Variants in STX19 observed in about 807,000 individuals in gnomAD.
STX19 encodes syntaxin 19, also known as syntaxin-19.
STX19 carries 26 observed loss-of-function variants against 24.3 expected under a neutral mutation model. The observed-to-expected ratio is 1.07, with a 90% CI of 0.78 to 1.48. The LOEUF is 1.48. STX19 is among the 40% of genes most tolerant of loss of function. STX19 has a pLI of 0.00. For missense variants in STX19, 367 were observed against 331.9 expected, an observed-to-expected ratio of 1.11 and a Z score of -0.82; for synonymous variants, 116 against 106.9, an observed-to-expected ratio of 1.09 and a Z score of -0.52.
intron 1 of STX19, among the ~76,000 whole-genome samples, chr3:94,016,103 A>T (rs1480289939): frequency 6.6e-6 from 1 of 152,170 alleles, no homozygotes; most frequent in Non-Finnish European, 1.5e-5. Flanking sequence ...TACATAATTT[A>T]TATTTAATGA....
chr3:94,015,324 G>C, intron 1 of STX19, 42 bp from the exon 2 acceptor site: 2 of 1,452,842 alleles, frequency 1.4e-6, no homozygotes, highest in Non-Finnish European at 1.8e-6. Context: ...TAGAAATTTG[G>C]TATTTTTCCC....
intron 1 of STX19, among the ~76,000 whole-genome samples, chr3:94,021,199 T>A (rs1559991001): frequency 6.7e-6 from 1 of 148,886 alleles, no homozygotes; most frequent in Admixed American, 6.7e-5. Context: ...TATATATATA[T>A]AATTTTTTTT....
chr3:94,017,812 A>G (rs2076363467), intron 1 of STX19, among the ~76,000 whole-genome samples: 1 of 152,178 alleles, frequency 6.6e-6, no homozygotes, highest in Non-Finnish European at 1.5e-5. Flanking sequence ...TGGGTTGCCA[A>G]GGCAGTGAAT....
At position 94,014,809 on chromosome 3, in the gene STX19, G is replaced by A. The variant is rs771628759; in HGVS notation, c.461C>T (p.Thr154Ile). ...FQQIMFIYND[T>I]IAAKQEKCKT... is the part of the protein sequence containing the mutation. ...GCACTTCTCTTGCTTTGCTGCTATT[G>A]TGTCATTGTATATAAACATGATTTG... Residue 154 changes from threonine (T) to isoleucine (I), a missense_variant, in exon 2 of 2, where the codon ACA becomes ATA. Coordinates refer to ENST00000315099, the MANE Select transcript of STX19 (RefSeq NM_001001850.3). 6.2e-7 allele frequency: 1 copy of A among 1,614,044 alleles called. No individual in the cohort carries two copies. Among genetic ancestry groups the A allele is most frequent in the Admixed American group, 1.7e-5 (1 of 60,024 alleles).
intron 1 of STX19, among the ~76,000 whole-genome samples, chr3:94,020,619 T>C (rs1018257205): frequency 6.6e-6 from 1 of 152,138 alleles, no homozygotes; most frequent in Non-Finnish European, 1.5e-5. Context: ...TTGAAATCTG[T>C]TTGTGTCAGG....
At chr3:94,022,707 A>G in intron 1 of STX19, among the ~76,000 whole-genome samples, 1 of 152,232 alleles carries the variant, frequency 6.6e-6, no homozygotes, top group East Asian at 1.9e-4. Context: ...TATATTTAAG[A>G]AAACTTCTTA....
intron 1 of STX19, 84 bp from the exon 2 acceptor site, chr3:94,015,366 A>C (rs1316966418): frequency 2.0e-6 from 2 of 1,020,276 alleles, no homozygotes; most frequent in East Asian, 5.2e-5. Context: ...AACTGTCTAT[A>C]TCCCAGCAAA....
rs1309463998 is a variant in STX19, at chr3:94,015,250, T to C, written c.20A>G (p.Glu7Gly). 6.5e-7 allele frequency: 1 copy of C among 1,548,588 alleles called. No homozygotes were observed. The highest frequency in any genetic ancestry group is 2.2e-5 in the Admixed American group (1 of 45,618). Reference sequence around the variant, plus strand: ...AATTTCCTTTGTTCTCTGCTTTAGTTCTTGAAGTCGGTCTTTCATCTTCCC... The same window carrying C: ...AATTTCCTTTGTTCTCTGCTTTAGTCCTTGAAGTCGGTCTTTCATCTTCCC... Reference protein sequence around the residue: MKDRLQELKQRTKEIEL... With the variant: MKDRLQGLKQRTKEIEL... Residue 7 changes from glutamate to glycine, a missense_variant, in exon 2 of 2, where the codon GAA becomes GGA. Glu to Gly is a moderately conservative substitution (Grantham distance 98). Transcript: ENST00000315099.
intron 1 of STX19, among the ~76,000 whole-genome samples, chr3:94,024,463 A>T (rs2076515257): frequency 6.6e-6 from 1 of 152,246 alleles, no homozygotes; most frequent in Non-Finnish European, 1.5e-5. Context: ...TTTAATTTTC[A>T]CATTCCTCAA....
chr3:94,014,840 A>G lies in STX19; in HGVS notation c.430T>C (p.Phe144Leu). 6.2e-7 allele frequency: 1 copy of G among 1,614,082 alleles called. No individual in the cohort carries two copies. The change falls in exon 2 of 2, where the codon TTT becomes CTT. Residue 144 changes from phenylalanine to leucine, a missense_variant. By Grantham distance (22) the Phe-to-Leu change is conservative. Transcript: ENST00000315099. ...KSQHAAMFRH[F>L]QQIMFIYNDT... Reference sequence around the variant, plus strand: ...TTGTATATAAACATGATTTGCTGAAAATGGCGGAACATTGCAGCATGCTGA... The same window carrying G: ...TTGTATATAAACATGATTTGCTGAAGATGGCGGAACATTGCAGCATGCTGA...
At chr3:94,023,808 A>T (rs2076500378) in intron 1 of STX19, among the ~76,000 whole-genome samples, 1 of 152,200 alleles carries the variant, frequency 6.6e-6, no homozygotes, top group African/African-American at 2.4e-5. Context: ...ACTAATATAC[A>T]TACTATATCT....
chr3:94,018,086 A>G (rs1003375239), intron 1 of STX19, among the ~76,000 whole-genome samples: 1 of 152,184 alleles, frequency 6.6e-6, no homozygotes, highest in Non-Finnish European at 1.5e-5. Flanking sequence ...AAACTGATAC[A>G]GGGGTGTCCC....
At chr3:94,019,111 C>T (rs1050683924) in intron 1 of STX19, among the ~76,000 whole-genome samples, 26 of 151,730 alleles carry the variant, frequency 1.7e-4, no homozygotes, top group Non-Finnish European at 3.5e-4. Flanking sequence ...TATGCAAGCA[C>T]AGCAAATCTT....
Position 94,014,630 on chromosome 3 carries a change from G to A in STX19, c.640C>T (p.Gln214Ter), listed in dbSNP as rs1421824066. 2 of 1,613,376 alleles carry A rather than the reference G, an allele frequency of 1.2e-6. No individual in the cohort carries two copies. The highest frequency in any genetic ancestry group is 2.2e-5 in the South Asian group (2 of 90,982). The stretch of plus-strand genomic sequence containing the variant: ...AAATTAACAAGTTCCTTGTGTCTCT[G>A]TTCAATCTCTGAAAGTTGTGCTTTA... ...ITKAQLSEIE[Q>*]RHKELVNLEN... Residue 214 changes from glutamine to a stop codon, truncating the protein, a stop_gained, in exon 2 of 2, where the codon CAG (glutamine) becomes TAG (stop). Coordinates refer to ENST00000315099, the MANE Select transcript of STX19 (RefSeq NM_001001850.3). LOFTEE classifies it high-confidence loss of function.
intron 1 of STX19, among the ~76,000 whole-genome samples, chr3:94,019,341 C>CA (rs1240768235): frequency 1.3e-5 from 2 of 152,082 alleles, no homozygotes; most frequent in South Asian, 4.1e-4. Context: ...GGACTACAGG[C>CA]ACATGCCACC....
intron 1 of STX19, among the ~76,000 whole-genome samples, chr3:94,025,389 A>G (rs2076534767): frequency 2.0e-5 from 3 of 152,222 alleles, no homozygotes; most frequent in Admixed American, 1.3e-4. Flanking sequence ...AAAGTGAGCT[A>G]TAAAGGTTAT....
chr3:94,016,417 A>C (rs1374100444), intron 1 of STX19, among the ~76,000 whole-genome samples: 4 of 152,180 alleles, frequency 2.6e-5, no homozygotes, highest in African/African-American at 9.7e-5. Flanking sequence ...AAATGTGTAG[A>C]TGGTGTAAAA....
At chr3:94,023,825 AAG>A (rs2076500731) in intron 1 of STX19, among the ~76,000 whole-genome samples, 1 of 152,148 alleles carries the variant, frequency 6.6e-6, no homozygotes, top group African/African-American at 2.4e-5. Flanking sequence ...ATCTATTTAA[AAG>A]AAAAAATTTA....
At chr3:94,021,431 G>A (rs1376901866) in intron 1 of STX19, among the ~76,000 whole-genome samples, 1 of 152,022 alleles carries the variant, frequency 6.6e-6, no homozygotes, top group Non-Finnish European at 1.5e-5. Flanking sequence ...CTGACCTCAA[G>A]TGATCTGCCC....
Sources: gnomAD v4.1 joint callset for allele counts (sites outside exome capture counted in the v4.1 genomes callset) on GRCh38, gnomAD v4.1.1 for gene constraint, MANE v1.5 for transcripts, NCBI Gene and HGNC (gene_info 2026-07-23, HGNC 2026-07-21) for gene names.